The following EDIL3 variants were observed in gnomAD, a reference collection of about 807,000 sequenced individuals.
The protein encoded by EDIL3 is EGF like and discoidin domains 3, also known as EGF-like repeat and discoidin I-like domain-containing protein 3.
In EDIL3, 37 loss-of-function variants were observed where a neutral mutation model predicts 67.4. The observed-to-expected ratio is 0.55, with a 90% CI of 0.42 to 0.72. EDIL3 has a LOEUF of 0.72. EDIL3 is among the 30% of genes least tolerant of loss of function. EDIL3 has a pLI of 0.00. For synonymous variants in EDIL3, 195 were observed against 196.3 expected (o/e 0.99, Z 0.05); for missense variants, 527 against 586.3 (o/e 0.90, Z 1.04).
intron 9 of EDIL3, among the ~76,000 whole-genome samples, chr5:84,012,195 G>C (rs112907105): frequency 0.016 from 2,437 of 152,330 alleles, 59 homozygotes; most frequent in African/African-American, 0.055. Context: ...ACGTGATACA[G>C]AGTTAGACAG....
chr5:84,281,497 T>C (rs1486890830), intron 1 of EDIL3, among the ~76,000 whole-genome samples: 1 of 152,228 alleles, frequency 6.6e-6, no homozygotes, highest in East Asian at 1.9e-4. Context: ...ATAATCCACA[T>C]GAAACACTCA....
intron 9 of EDIL3, among the ~76,000 whole-genome samples, chr5:84,025,173 C>CA (rs1561406998): frequency 6.6e-6 from 1 of 152,166 alleles, no homozygotes; most frequent in African/African-American, 2.4e-5. Flanking sequence ...TCTCTCTAAA[C>CA]ATCAGCTTCT....
rs1443881003 is a variant in EDIL3, at chr5:84,384,548, A to C, written c.-174T>G. The C allele has an allele frequency of 1.4e-5, 8 of 564,234 alleles. No homozygotes were observed. The highest frequency in any genetic ancestry group is 2.0e-5 in the African/African-American group (1 of 50,986). The allele number at this position is 564,234 out of a possible 1,614,324, so 35.0% of individuals were successfully genotyped here. A position where few individuals can be genotyped will look rare whatever the true frequency, so the allele number is the denominator to read the frequency against. On this transcript the variant is annotated 5_prime_UTR_variant, in exon 1 of 11. Transcript: ENST00000296591. ...ATTCTTGGAGAGGGCGAGAGTGGTG[A>C]CTAAAGAGAGGAGCCTTTCCTCCCC... is the stretch of plus-strand genomic sequence containing the variant.
chr5:84,040,587 T>C (rs1746102821), intron 9 of EDIL3, among the ~76,000 whole-genome samples: 1 of 151,194 alleles, frequency 6.6e-6, no homozygotes. Context: ...TTCTCATAAA[T>C]TTTAGATTTG....
At chr5:84,384,149 C>T (rs1279907128) in intron 1 of EDIL3, among the ~76,000 whole-genome samples, 159 bp downstream of exon 1, 1 of 152,160 alleles carries the variant, frequency 6.6e-6, no homozygotes, top group Non-Finnish European at 1.5e-5. Context: ...TTTACAAGCA[C>T]TTTCTCGGGG....
intron 3 of EDIL3, among the ~76,000 whole-genome samples, chr5:84,197,407 A>G (rs1350672096): frequency 6.6e-6 from 1 of 151,990 alleles, no homozygotes; most frequent in Non-Finnish European, 1.5e-5. Flanking sequence ...CAGACAGAAG[A>G]GGGAAATAAC....
chr5:84,278,005 C>T (rs1275776832), intron 1 of EDIL3, among the ~76,000 whole-genome samples: 1 of 152,072 alleles, frequency 6.6e-6, no homozygotes, highest in Admixed American at 6.6e-5. Context: ...CATATTTTCC[C>T]CAAATAACTC....
At chr5:83,970,684 T>TATATATATAG (rs1491469489) in intron 9 of EDIL3, among the ~76,000 whole-genome samples, 5 of 131,498 alleles carry the variant, frequency 3.8e-5, no homozygotes, top group African/African-American at 1.4e-4. Context: ...TATATATATA[T>TATATATATAG]TTAAGAACAT....
chr5:84,236,072 T>G (rs1744675416), intron 2 of EDIL3, among the ~76,000 whole-genome samples: 1 of 152,068 alleles, frequency 6.6e-6, no homozygotes, highest in Admixed American at 6.6e-5. Flanking sequence ...CAGTGAATCA[T>G]TTTAACAGCA....
At chr5:84,172,898 C>T (rs1472786461) in intron 4 of EDIL3, among the ~76,000 whole-genome samples, 3 of 152,150 alleles carry the variant, frequency 2.0e-5, no homozygotes, top group African/African-American at 4.8e-5. Context: ...CTCTCCTGTC[C>T]AGCCTACTGC....
At chr5:84,020,090 A>AAAAAC (rs1745686088) in intron 9 of EDIL3, among the ~76,000 whole-genome samples, 1 of 151,046 alleles carries the variant, frequency 6.6e-6, no homozygotes, top group Non-Finnish European at 1.5e-5. Flanking sequence ...AAAAAAAAAA[A>AAAAAC]ACGCAACAAA....
chr5:84,129,014 T>C (rs1747915780), intron 5 of EDIL3, among the ~76,000 whole-genome samples: 1 of 152,178 alleles, frequency 6.6e-6, no homozygotes, highest in African/African-American at 2.4e-5. Flanking sequence ...CCACATGGTC[T>C]ATTTGAACAT....
chr5:84,072,094 G>A (rs1746749815), intron 6 of EDIL3, among the ~76,000 whole-genome samples: 1 of 151,812 alleles, frequency 6.6e-6, no homozygotes, highest in Non-Finnish European at 1.5e-5. Context: ...CAATCTCAGA[G>A]ATAAAAAAAT....
At chr5:84,187,879 G>A (rs533735336) in intron 3 of EDIL3, among the ~76,000 whole-genome samples, 7 of 151,848 alleles carry the variant, frequency 4.6e-5, no homozygotes, top group South Asian at 4.2e-4. Context: ...CTTTGTAAAC[G>A]TAAATGTGCA....
At chr5:84,039,069 T>C (rs769469971) in intron 9 of EDIL3, among the ~76,000 whole-genome samples, 4 of 151,996 alleles carry the variant, frequency 2.6e-5, no homozygotes, top group Non-Finnish European at 5.9e-5. Flanking sequence ...AGGTAGTAGC[T>C]ATGGGGATTA....
intron 4 of EDIL3, among the ~76,000 whole-genome samples, chr5:84,152,177 T>C (rs190367957): frequency 0.024 from 3,697 of 152,236 alleles, 62 homozygotes; most frequent in Admixed American, 0.034. Context: ...CTCAGCCTCT[T>C]AAAGTGCTGG....
At chr5:84,080,799 CGTA>C (rs1472185836) in intron 6 of EDIL3, among the ~76,000 whole-genome samples, 1 of 152,000 alleles carries the variant, frequency 6.6e-6, no homozygotes, top group African/African-American at 2.4e-5. Context: ...AATTTCTTGA[CGTA>C]GTTTATCTAA....
chr5:84,150,927 A>G (rs759109435), intron 4 of EDIL3, among the ~76,000 whole-genome samples: 2 of 152,130 alleles, frequency 1.3e-5, no homozygotes, highest in Non-Finnish European at 2.9e-5. Context: ...AAAATAATAT[A>G]CAGTGTCTAT....
At chr5:84,248,651 AAC>A (rs765276120) in intron 2 of EDIL3, among the ~76,000 whole-genome samples, 2 of 152,158 alleles carry the variant, frequency 1.3e-5, no homozygotes, top group Non-Finnish European at 2.9e-5. Context: ...TGAAATACTG[AAC>A]TCTCCTTCTG....
Sources: allele counts gnomAD v4.1 joint callset (sites outside exome capture counted in the v4.1 genomes callset), GRCh38; gene constraint gnomAD v4.1.1; transcripts MANE v1.5; gene names NCBI Gene and HGNC (gene_info 2026-07-23, HGNC 2026-07-21).